The following CAPS2 variants were observed in gnomAD, a reference collection of about 807,000 sequenced individuals.
CAPS2 encodes the protein calcyphosin-2.
CAPS2 carries 98 observed loss-of-function variants against 86.5 expected under a neutral mutation model. The observed-to-expected ratio is 1.13, with a 90% CI of 0.96 to 1.34. The LOEUF is 1.34. CAPS2 is among the 40% of genes most tolerant of loss of function. The pLI, the probability that CAPS2 is intolerant of heterozygous loss-of-function variation, is 0.00. For synonymous variants in CAPS2, 210 were observed against 225.1 expected (o/e 0.93, Z 0.60); for missense variants, 729 against 686.8 (o/e 1.06, Z -0.69).
chr12:75,308,957 G>A (rs959759634), intron 7 of CAPS2, among the ~76,000 whole-genome samples: 1 of 149,458 alleles, frequency 6.7e-6, no homozygotes, highest in Non-Finnish European at 1.5e-5. Context: ...AGCTACGTTT[G>A]GACCAAACCT....
At chr12:75,383,823 C>A (rs140849351) in intron 1 of CAPS2, among the ~76,000 whole-genome samples, 5 of 152,224 alleles carry the variant, frequency 3.3e-5, no homozygotes, top group Non-Finnish European at 7.4e-5. Flanking sequence ...TCATGTAATG[C>A]CTGCTCTCAG....
At chr12:75,352,688 A>G (rs1365173943) in intron 1 of CAPS2, among the ~76,000 whole-genome samples, 1 of 152,230 alleles carries the variant, frequency 6.6e-6, no homozygotes, top group African/African-American at 2.4e-5. Flanking sequence ...ACCCCAAAAC[A>G]ACAGAATATA....
rs944600945 is a variant in CAPS2 at position 75,298,929 on chromosome 12, A to C, written c.892T>G (p.Phe298Val). The stretch of plus-strand genomic sequence containing the variant: ...GTAAGGGATTGGTCATGAGTGAAAA[A>C]GAACCCAATGAGCTCTCTGCAAGCA... Residue 298 changes from phenylalanine (F) to valine (V), a missense_variant, in exon 10 of 17, where the codon TTT becomes GTT. By Grantham distance (50) the Phe-to-Val change is conservative. Coordinates refer to ENST00000393284, the Ensembl canonical transcript of CAPS2. 6.2e-7 allele frequency: 1 copy of C among 1,609,342 alleles called. No homozygotes were observed. Among genetic ancestry groups the C allele is most frequent in the Non-Finnish European group, 8.5e-7 (1 of 1,178,354 alleles).
chr12:75,298,996 T>C, intron 9 of CAPS2, 30 bp from the exon 10 acceptor site: 1 of 1,373,432 alleles, frequency 7.3e-7, no homozygotes, highest in Non-Finnish European at 1.0e-6. Context: ...TCAAACATCT[T>C]CAAATAGAAT....
At chr12:75,317,143 A>G (rs2138912611) in intron 5 of CAPS2, among the ~76,000 whole-genome samples, 1 of 152,128 alleles carries the variant, frequency 6.6e-6, no homozygotes, top group Admixed American at 6.6e-5. Flanking sequence ...TATATTTAGG[A>G]TTTATTGCTT....
intron 11 of CAPS2, among the ~76,000 whole-genome samples, chr12:75,294,868 C>T (rs190202699): frequency 2.6e-5 from 4 of 151,962 alleles, no homozygotes; most frequent in East Asian, 1.9e-4. Flanking sequence ...AATTTATTAA[C>T]GTGCATAAGC....
chr12:75,321,302 ATGAC>A (rs2040273375), intron 5 of CAPS2, 94 bp downstream of exon 5: 4 of 739,774 alleles, frequency 5.4e-6, no homozygotes. Flanking sequence ...TATACTTATT[ATGAC>A]TAATAGCAAG....
At chr12:75,332,293 T>C (rs61322049), upstream of CAPS2, among the ~76,000 whole-genome samples, 226 of 152,362 alleles carry the variant, frequency 1.5e-3, 2 homozygotes, top group East Asian at 0.019. Context: ...CAACCTTTAC[T>C]GTTTTGCAGT....
At chr12:75,296,869 T>C (rs2036990526) in intron 11 of CAPS2, among the ~76,000 whole-genome samples, 1 of 152,034 alleles carries the variant, frequency 6.6e-6, no homozygotes, top group African/African-American at 2.4e-5. Flanking sequence ...GAAGAGTGCT[T>C]TTACTATGGG....
chr12:75,304,954 C>A, intron 7 of CAPS2, 78 bp from the exon 8 acceptor site: 1 of 1,400,848 alleles, frequency 7.1e-7, no homozygotes, highest in Admixed American at 1.9e-5. Context: ...ATAAGCAGTT[C>A]TAAAAGCTCA....
intron 1 of CAPS2, among the ~76,000 whole-genome samples, chr12:75,351,385 C>G (rs540578860): frequency 1.3e-5 from 2 of 152,152 alleles, no homozygotes; most frequent in Non-Finnish European, 2.9e-5. Flanking sequence ...ACATAATCAT[C>G]AGATTCTCCA....
intron 8 of CAPS2, among the ~76,000 whole-genome samples, chr12:75,300,502 G>A (rs868020299): frequency 7.2e-6 from 1 of 138,194 alleles, no homozygotes; most frequent in Non-Finnish European, 1.5e-5. Flanking sequence ...CTTGCAGTGA[G>A]CCGAGATCGC....
At chr12:75,390,364 C>T (rs1418541486) in intron 1 of CAPS2, 6 of 456,220 alleles carry the variant, frequency 1.3e-5, no homozygotes, top group South Asian at 7.7e-5. Context: ...CTTGATATTC[C>T]GGGCTGTCTG....
intron 1 of CAPS2, chr12:75,370,025 C>T: frequency 8.1e-7 from 1 of 1,232,482 alleles, no homozygotes; most frequent in Non-Finnish European, 1.2e-6. Context: ...TAAATTATTT[C>T]CTCCCGTTGA....
chr12:75,340,314 T>C (rs914960431), intron 1 of CAPS2, among the ~76,000 whole-genome samples: 1 of 151,934 alleles, frequency 6.6e-6, no homozygotes. Context: ...TCTGCGTAGA[T>C]TTTTGACAAA....
At chr12:75,376,230 A>G (rs1302531685) in intron 1 of CAPS2, among the ~76,000 whole-genome samples, 1 of 152,222 alleles carries the variant, frequency 6.6e-6, no homozygotes, top group Non-Finnish European at 1.5e-5. Flanking sequence ...TGCAACATTA[A>G]ATGAAGAATC....
At chr12:75,368,648 A>G (rs1198070651) in intron 1 of CAPS2, among the ~76,000 whole-genome samples, 1 of 151,886 alleles carries the variant, frequency 6.6e-6, no homozygotes, top group Non-Finnish European at 1.5e-5. Context: ...TGGCCATATA[A>G]TTTTCCTCCT....
rs553633046 is a variant in CAPS2, at chr12:75,283,107, C to T, written c.1516-760G>A. Among the ~76,000 whole-genome samples the T allele has an allele frequency of 3.9e-5, 6 of 152,252 alleles. No individual in the cohort carries two copies. In the East Asian group the frequency reaches 1.2e-3, roughly 29 times the overall value. ...CTAAAATCAATGAAAAAGTGAAATA[C>T]CTTTTAAATGAGTTATGTTACTCTA... On this transcript the variant is annotated intron_variant, in intron 15 of 16. Coordinates refer to ENST00000393284, the Ensembl canonical transcript of CAPS2.
chr12:75,326,695 T>C (rs1419910687), upstream of CAPS2, among the ~76,000 whole-genome samples: 1 of 152,196 alleles, frequency 6.6e-6, no homozygotes, highest in African/African-American at 2.4e-5. Context: ...TGACCTGTGT[T>C]AGTATGAATA....
Sources: allele counts gnomAD v4.1 joint callset (sites outside exome capture counted in the v4.1 genomes callset), GRCh38; gene constraint gnomAD v4.1.1; transcripts MANE v1.5; gene names NCBI Gene and HGNC (gene_info 2026-07-23, HGNC 2026-07-21).